PEX1: variants seen among roughly 807,000 people sequenced by gnomAD.
PEX1 encodes the protein peroxisomal ATPase PEX1.
Under a neutral mutation model 152.5 loss-of-function variants are expected in PEX1, and 97 were observed. The ratio of observed to expected loss-of-function variants is 0.64; its 90% CI spans 0.54 to 0.75. The LOEUF (loss-of-function observed/expected upper bound fraction) is 0.75. Ranked by LOEUF, PEX1 falls within the 30% of genes least tolerant of loss-of-function variation. PEX1 has a pLI of 0.00. For missense variants in PEX1, 1,357 were observed against 1,516.3 expected (o/e 0.89, Z 1.74); for synonymous variants, 485 against 531.6 (o/e 0.91, Z 1.21).
rs398123409 is a variant in PEX1 at position 92,502,076 on chromosome 7, G to A, written c.2230C>T (p.Gln744Ter). The change falls in exon 14 of 24, where the codon CAA becomes TAA. Residue 744 changes from glutamine to a stop codon, truncating the protein, a stop_gained. Coordinates refer to ENST00000248633, the MANE Select transcript of PEX1 (RefSeq NM_000466.3). LOFTEE classifies it high-confidence loss of function. ...VQHIQPPNQEQRCEILCNVIK... is the reference protein window; with the variant it reads ...VQHIQPPNQE ...ACATTACACAGAATTTCACATCTTT[G>A]TTCCTAAAGAAAAAAACACAAAATT... 1.9e-6 allele frequency: 3 copies of A among 1,591,352 alleles called. No individual in the cohort carries two copies. The highest frequency in any genetic ancestry group is 2.6e-6 in the Non-Finnish European group (3 of 1,163,494).
chr7:92,523,751 A>G (rs1011480708), intron 1 of PEX1, among the ~76,000 whole-genome samples: 2 of 152,128 alleles, frequency 1.3e-5, no homozygotes, highest in African/African-American at 4.8e-5. Context: ...GGATCACTTG[A>G]GTCAGGGAGG....
Position 92,491,488 on chromosome 7 carries a change from G to A in PEX1, c.3222C>T (p.Ser1074=), listed in dbSNP as rs1327864856. Residue 1074 remains serine, a synonymous_variant, in exon 21 of 24, where the codon AGC becomes AGT. Coordinates refer to ENST00000248633, the MANE Select transcript of PEX1 (RefSeq NM_000466.3). ...LSSGLQDGSS[S]SDSDLSLSSM... ...AAGACAGACTTAGGTCACTATCAGAGCTGGAACTTCCATCCTAAAATACAC... is the reference window on the plus strand; with the variant it reads ...AAGACAGACTTAGGTCACTATCAGAACTGGAACTTCCATCCTAAAATACAC... 6.2e-6 allele frequency: 10 copies of A among 1,607,018 alleles called. No homozygotes were observed. Among genetic ancestry groups the A allele is most frequent in the Non-Finnish European group, 8.5e-6 (10 of 1,173,848 alleles).
chr7:92,517,269 T>TACTA lies in PEX1; in HGVS notation c.1239+3_1239+6dup. The TACTA allele has an allele frequency of 8.1e-6, 13 of 1,609,506 alleles. No individual in the cohort carries two copies. Among genetic ancestry groups the TACTA allele is most frequent in the Non-Finnish European group, 1.1e-5 (13 of 1,176,054 alleles). On this transcript the variant is annotated splice_region_variant and intron_variant, in intron 5 of 23. Coordinates refer to ENST00000248633, the MANE Select transcript of PEX1 (RefSeq NM_000466.3). ...AATTTCTCCCAAGTTATAAAATTTATACTAACCCAGACTTTCCCAAGATGG... is the reference window on the plus strand; with the variant it reads ...AATTTCTCCCAAGTTATAAAATTTATACTAACTAACCCAGACTTTCCCAAGATGG...
intron 20 of PEX1, among the ~76,000 whole-genome samples, 185 bp downstream of exon 20, chr7:92,492,768 A>G (rs1791407955): frequency 6.6e-6 from 1 of 152,244 alleles, no homozygotes; most frequent in East Asian, 1.9e-4. Context: ...ATCAAACTTC[A>G]TAATTATAAA....
chr7:92,489,401 G>C lies in PEX1; in HGVS notation c.3659C>G (p.Pro1220Arg). 1.2e-6 allele frequency: 2 copies of C among 1,612,690 alleles called. No individual in the cohort carries two copies. Among genetic ancestry groups the C allele is most frequent in the Non-Finnish European group, 1.7e-6 (2 of 1,178,904 alleles). Reference sequence around the variant, plus strand: ...AGCCAGTCTGGTTTTGATTGGTCCTGGTTGGTTCATGGATTCGTCCTCCTT... The same window carrying C: ...AGCCAGTCTGGTTTTGATTGGTCCTCGTTGGTTCATGGATTCGTCCTCCTT... Reference protein sequence around the residue: ...QSGEDESMNQPGPIKTRLAIS... With the variant: ...QSGEDESMNQRGPIKTRLAIS... Residue 1220 changes from proline (P) to arginine (R), a missense_variant, in exon 23 of 24, where the codon CCA becomes CGA. Transcript: ENST00000248633.
chr7:92,517,370 C>G lies in PEX1; in HGVS notation c.1145G>C (p.Cys382Ser). 2 of 1,613,680 alleles carry G rather than the reference C, an allele frequency of 1.2e-6. No individual in the cohort carries two copies. The highest frequency in any genetic ancestry group is 1.7e-6 in the Non-Finnish European group (2 of 1,179,698). Residue 382 changes from cysteine to serine, a missense_variant, in exon 5 of 24, where the codon TGT (cysteine) becomes TCT (serine). Physicochemically the swap from Cys to Ser is moderately radical, Grantham distance 112. Transcript: ENST00000248633. ...SDHNEEDEKA[C>S]VLQVVWNGLE... is the part of the protein sequence containing the mutation. ...TCCATTCCAGACTACTTGTAGCACA[C>G]AGGCCTTCTCATCTTCTTCATTATG...
chr7:92,498,739 C>T (rs546030939), intron 16 of PEX1, among the ~76,000 whole-genome samples: 4 of 152,052 alleles, frequency 2.6e-5, no homozygotes, highest in East Asian at 3.9e-4. Context: ...ACCACACTCA[C>T]CTTATACCTG....
intron 10 of PEX1, chr7:92,506,601 A>C: frequency 1.9e-6 from 1 of 528,920 alleles, no homozygotes; most frequent in South Asian, 2.1e-5. Context: ...AGCTCAACAG[A>C]ACATTAGCAG....
At chr7:92,498,661 C>T (rs527878261) in intron 16 of PEX1, among the ~76,000 whole-genome samples, 32 of 152,090 alleles carry the variant, frequency 2.1e-4, no homozygotes, top group Non-Finnish European at 4.1e-4. Context: ...GATCTGCGAC[C>T]ACAATGACAC....
At position 92,504,892 on chromosome 7, in the gene PEX1, A is replaced by G. The variant is rs1307170733; in HGVS notation, c.1911T>C (p.Leu637=). ...CCTCTAGGGTTTTTTGTATGTTTTC[A>G]AGCCTTTTTCCTTAATACAGAAGAT... The part of the protein sequence containing the change: ...VDCKALRGKR[L]ENIQKTLEVA... The change falls in exon 12 of 24, where the codon CTT becomes CTC. Residue 637 remains leucine (L), a synonymous_variant. Coordinates refer to ENST00000248633, the MANE Select transcript of PEX1 (RefSeq NM_000466.3). The G allele has an allele frequency of 6.2e-7, 1 of 1,613,066 alleles. No individual in the cohort carries two copies. The highest frequency in any genetic ancestry group is 8.5e-7 in the Non-Finnish European group (1 of 1,179,014).
intron 3 of PEX1, 93 bp downstream of exon 3, chr7:92,518,902 G>C: frequency 2.1e-6 from 2 of 957,218 alleles, no homozygotes; most frequent in Non-Finnish European, 3.4e-6. Flanking sequence ...AACCAACTCA[G>C]AATATATAAT....
chr7:92,528,519 A>T lies in PEX1; in HGVS notation c.-84T>A. 1.4e-6 allele frequency: 2 copies of T among 1,464,974 alleles called. No individual in the cohort carries two copies. Among genetic ancestry groups the T allele is most frequent in the Middle Eastern group, 2.5e-4 (1 of 4,078 alleles). The allele number at this position is 1,464,974 out of a possible 1,614,324, so 90.7% of individuals were successfully genotyped here. A position where few individuals can be genotyped will look rare whatever the true frequency, so the allele number is the denominator to read the frequency against. On this transcript the variant is annotated 5_prime_UTR_variant, in exon 1 of 24. Transcript: ENST00000248633. ...GGCAGGCCGAGGACGTCGGAGCCGG[A>T]GGAGATCGATCGGCCCCGCCCCCTG... is the stretch of plus-strand genomic sequence containing the variant.
chr7:92,526,110 T>C (rs1169324567), intron 1 of PEX1, among the ~76,000 whole-genome samples: 1 of 152,188 alleles, frequency 6.6e-6, no homozygotes, highest in Non-Finnish European at 1.5e-5. Flanking sequence ...GAATGCCAGT[T>C]TCCTTACATG....
chr7:92,520,014 G>T (rs1018949603), intron 2 of PEX1, among the ~76,000 whole-genome samples: 44 of 152,204 alleles, frequency 2.9e-4, no homozygotes, highest in African/African-American at 1.0e-3. Context: ...TGAAAAGGAT[G>T]ATTCTGAGCA....
intron 1 of PEX1, among the ~76,000 whole-genome samples, chr7:92,526,895 T>C (rs1793290890): frequency 6.6e-6 from 1 of 152,226 alleles, no homozygotes; most frequent in South Asian, 2.1e-4. Flanking sequence ...ATTTTCTTGT[T>C]AATAATTTTC....
rs761520575 is a variant in PEX1 at position 92,503,049 on chromosome 7, G to A, written c.2218C>T (p.Pro740Ser). 1 of 1,613,012 alleles carries A rather than the reference G, an allele frequency of 6.2e-7. No homozygotes were observed. ...TACAAGTAGTGTATTACCTGATTAG[G>A]AGGCTGAATGTGTTGGACGCACTGA... ...IFQCVQHIQP[P>S]NQEQRCEILC... Residue 740 changes from proline to serine, a missense_variant, in exon 13 of 24, where the codon CCT (proline) becomes TCT (serine). Pro to Ser is a moderately conservative substitution (Grantham distance 74). Transcript: ENST00000248633.
chr7:92,520,323 T>C lies in PEX1; in HGVS notation c.274-1245A>G, dbSNP rs544657872. ...CAAAGTTAATGATTTCTAAGGTCCG[T>C]CTGGTGCTAAAATTTTAAGATTCTA... is the stretch of plus-strand genomic sequence containing the variant. On this transcript the variant is annotated intron_variant, in intron 2 of 23. Coordinates refer to ENST00000248633, the MANE Select transcript of PEX1 (RefSeq NM_000466.3). Among the ~76,000 whole-genome samples the C allele has an allele frequency of 1.8e-4, 28 of 152,290 alleles. No individual in the cohort carries two copies. In the South Asian group the frequency reaches 5.8e-3, roughly 32 times the overall value.
chr7:92,490,633 A>C (rs1190532893), intron 21 of PEX1, among the ~76,000 whole-genome samples: 1 of 15,306 alleles, frequency 6.5e-5, no homozygotes, highest in Admixed American at 7.0e-4. Flanking sequence ...AGACTGTCTC[A>C]AAAAAAAAAA....
At chr7:92,492,803 CTATG>C in intron 20 of PEX1, 146 bp downstream of exon 20, 2 of 692,064 alleles carry the variant, frequency 2.9e-6, no homozygotes, top group South Asian at 3.3e-5. Flanking sequence ...CATATTCCAA[CTATG>C]GAACATTCAA....
Sources: gnomAD v4.1 joint callset for allele counts (sites outside exome capture counted in the v4.1 genomes callset) on GRCh38, gnomAD v4.1.1 for gene constraint, MANE v1.5 for transcripts, NCBI Gene and HGNC (gene_info 2026-07-23, HGNC 2026-07-21) for gene names.